The following ASB4 variants were observed in gnomAD, a reference collection of about 807,000 sequenced individuals.
The protein encoded by ASB4 is ankyrin repeat and SOCS box containing 4, also known as ankyrin repeat and SOCS box protein 4.
A neutral mutation model predicts 38.6 loss-of-function variants in ASB4; 35 were observed. The ratio of observed to expected loss-of-function variants is 0.91; its 90% confidence interval spans 0.69 to 1.20. The LOEUF (loss-of-function observed/expected upper bound fraction) is 1.20. Ranked by LOEUF, ASB4 falls within the 50% of genes most tolerant of loss-of-function variation. The pLI, the probability that ASB4 is intolerant of heterozygous loss-of-function variation, is 0.00. For synonymous variants in ASB4, 195 were observed against 201.3 expected (o/e 0.97, Z 0.26); for missense variants, 557 against 527.2 (o/e 1.06, Z -0.55).
chr7:95,476,295 G>A (rs1417396826), upstream of ASB4, among the ~76,000 whole-genome samples: 2 of 152,210 alleles, frequency 1.3e-5, no homozygotes, highest in African/African-American at 2.4e-5. Context: ...CAGAGTCATC[G>A]GATAGCTTTC....
chr7:95,527,135 A>G (rs1333399251), intron 2 of ASB4, among the ~76,000 whole-genome samples: 1 of 152,230 alleles, frequency 6.6e-6, no homozygotes, highest in Non-Finnish European at 1.5e-5. Flanking sequence ...CCTTTTGATG[A>G]AAAATATAAC....
upstream of ASB4, among the ~76,000 whole-genome samples, chr7:95,476,008 G>A (rs576447831): frequency 1.9e-4 from 29 of 152,308 alleles, no homozygotes; most frequent in African/African-American, 6.5e-4. Flanking sequence ...TTTCCTCTGT[G>A]AAATCTTTCT....
At chr7:95,526,600 G>A (rs1401411942) in intron 2 of ASB4, among the ~76,000 whole-genome samples, 1 of 152,078 alleles carries the variant, frequency 6.6e-6, no homozygotes, top group African/African-American at 2.4e-5. Flanking sequence ...ACCTCTCTGA[G>A]TACAAATTTC....
At chr7:95,490,724 A>G (rs372735197) in intron 1 of ASB4, among the ~76,000 whole-genome samples, 24 of 152,342 alleles carry the variant, frequency 1.6e-4, no homozygotes, top group Middle Eastern at 6.8e-3. Context: ...GAAGGCCCAA[A>G]CACTTTGCTC....
chr7:95,549,738 C>T, the ASB4 span, among the ~76,000 whole-genome samples: 34 of 152,274 alleles, frequency 2.2e-4, no homozygotes, highest in Middle Eastern at 0.017. Context: ...CCTAGGTTGC[C>T]TGCCCAGAGG....
At chr7:95,528,530 A>G (rs138592628) in intron 3 of ASB4, 1 of 1,427,992 alleles carries the variant, frequency 7.0e-7, no homozygotes, top group Non-Finnish European at 9.1e-7. Flanking sequence ...AAGAGTAGCA[A>G]ATAATTTGTT....
intron 1 of ASB4, among the ~76,000 whole-genome samples, chr7:95,490,076 T>A (rs1011248345): frequency 6.6e-6 from 1 of 152,230 alleles, no homozygotes; most frequent in Non-Finnish European, 1.5e-5. Context: ...TAATGCACTT[T>A]AAGTACTTCG....
the ASB4 span, among the ~76,000 whole-genome samples, chr7:95,545,945 T>A: frequency 6.6e-6 from 1 of 152,126 alleles, no homozygotes; most frequent in African/African-American, 2.4e-5. Context: ...GGTCACAGAG[T>A]TGCTCCCTTC....
At chr7:95,544,628 A>T (rs1791009711), downstream of ASB4, 1 of 152,152 alleles carries the variant, frequency 6.6e-6, no homozygotes. Flanking sequence ...CAATTTCTTT[A>T]TTTAGGTAAT....
At chr7:95,527,702 A>C (rs1425074807) in intron 2 of ASB4, 111 bp from the exon 3 acceptor site, 2 of 1,065,610 alleles carry the variant, frequency 1.9e-6, no homozygotes, top group Admixed American at 5.3e-5. Context: ...GGGATAATAT[A>C]CGGCAGTCAG....
chr7:95,549,301 A>ATTTTTTTTTT, the ASB4 span, among the ~76,000 whole-genome samples: 17 of 114,848 alleles, frequency 1.5e-4, 1 homozygote, highest in Non-Finnish European at 2.4e-4. Context: ...AGGAGACTCC[A>ATTTTTTTTTT]TTTTTTTTTT....
intron 2 of ASB4, among the ~76,000 whole-genome samples, chr7:95,516,376 T>C (rs2116627174): frequency 6.6e-6 from 1 of 152,242 alleles, no homozygotes; most frequent in Non-Finnish European, 1.5e-5. Flanking sequence ...ATAAAATAAA[T>C]ACAGGGTGAC....
At position 95,497,863 on chromosome 7, in the gene ASB4, T is replaced by C. The variant is rs555739723; in HGVS notation, c.487+1806T>C. On this transcript the variant is annotated intron_variant, in intron 2 of 4. Transcript: ENST00000325885. ...CCATATGGTTGCATGGACCAATAAA[T>C]TAGACCTTTTTATTGCTGAGTAGTA... 7.3e-4 allele frequency among the ~76,000 whole-genome samples: 111 copies of C among 152,298 alleles called. 1 individual carries two copies. The highest frequency in any genetic ancestry group is 2.5e-3 in the African/African-American group (105 of 41,576).
chr7:95,502,565 A>G (rs974331394), intron 2 of ASB4, among the ~76,000 whole-genome samples: 1 of 152,178 alleles, frequency 6.6e-6, no homozygotes, highest in Admixed American at 6.5e-5. Context: ...ACTAGGTTAT[A>G]CCTAAAGTCA....
chr7:95,485,934 C>T (rs759416447), upstream of ASB4: 21 of 1,595,204 alleles, frequency 1.3e-5, no homozygotes, highest in South Asian at 3.4e-5. Context: ...GCTGTTCTCT[C>T]GATAAATCAC....
At chr7:95,482,693 C>T (rs148258153), upstream of ASB4, among the ~76,000 whole-genome samples, 12 of 152,200 alleles carry the variant, frequency 7.9e-5, no homozygotes, top group East Asian at 1.5e-3. Context: ...GGCTTGCTGA[C>T]GTAGGGAGAA....
chr7:95,487,666 A>C lies in ASB4; in HGVS notation c.187+1508A>C, dbSNP rs1240305864. Among the ~76,000 whole-genome samples, 13 of 152,166 alleles carry C rather than the reference A, an allele frequency of 8.5e-5. No homozygotes were observed. In the East Asian group the frequency reaches 2.1e-3, roughly 25 times the overall value. On this transcript the variant is annotated intron_variant, in intron 1 of 4. Transcript: ENST00000325885. Reference sequence around the variant, plus strand: ...GTGTCATCTTCCTTGAAGGAAAAGAAAATACATTTTAAATTCTTCTTGTCA... The same window carrying C: ...GTGTCATCTTCCTTGAAGGAAAAGACAATACATTTTAAATTCTTCTTGTCA...
intron 3 of ASB4, among the ~76,000 whole-genome samples, chr7:95,535,199 C>T (rs1790873639): frequency 2.0e-5 from 3 of 152,218 alleles, no homozygotes; most frequent in Non-Finnish European, 2.9e-5. Flanking sequence ...AATGCTAGAC[C>T]ACCTATGAGG....
rs35506436 is a variant in ASB4, at chr7:95,495,738, CTTTTT to C, written c.188-8_188-4del. 8.3e-5 allele frequency: 120 copies of C among 1,441,386 alleles called. No homozygotes were observed. Among genetic ancestry groups the C allele is most frequent in the South Asian group, 2.5e-4 (19 of 74,968 alleles). 89.3% of individuals were successfully genotyped at this position (1,441,386 alleles called of 1,614,324 possible). Reference sequence around the variant, plus strand: ...GTCAAGAAGTTAAACTTTCCTTTTCCTTTTTTTTTTTTTTTTCAGGTTACTGGTTG... The same window carrying C: ...GTCAAGAAGTTAAACTTTCCTTTTCCTTTTTTTTTTTCAGGTTACTGGTTG... On this transcript the variant is annotated splice_polypyrimidine_tract_variant and intron_variant, in intron 1 of 4. Coordinates refer to ENST00000325885, the MANE Select transcript of ASB4 (RefSeq NM_016116.3).
Sources: allele counts gnomAD v4.1 joint callset (sites outside exome capture counted in the v4.1 genomes callset), GRCh38; gene constraint gnomAD v4.1.1; transcripts MANE v1.5; gene names NCBI Gene and HGNC (gene_info 2026-07-23, HGNC 2026-07-21).